Variants in FTO observed in about 807,000 individuals in gnomAD.
FTO encodes alpha-ketoglutarate-dependent dioxygenase FTO.
In FTO, 47 loss-of-function variants were observed where a neutral mutation model predicts 63.9. That is an observed-to-expected ratio of 0.74 (90% confidence interval 0.58 to 0.94). The LOEUF is 0.94. Ranked by LOEUF, FTO falls within the 40% of genes least tolerant of loss-of-function variation. FTO has a pLI of 0.00. For missense variants in FTO, 562 were observed against 618.1 expected, an observed-to-expected ratio of 0.91 and a Z score of 0.96; for synonymous variants, 207 against 224.4, an observed-to-expected ratio of 0.92 and a Z score of 0.69.
At chr16:53,729,378 T>C (rs555437112) in intron 1 of FTO, among the ~76,000 whole-genome samples, 1 of 151,858 alleles carries the variant, frequency 6.6e-6, no homozygotes, top group Admixed American at 6.5e-5. Flanking sequence ...ATACAAAAAA[T>C]TAGCTGGGCT....
intron 8 of FTO, among the ~76,000 whole-genome samples, chr16:54,007,379 G>A (rs1182465307): frequency 2.0e-5 from 3 of 152,176 alleles, no homozygotes; most frequent in East Asian, 1.9e-4. Context: ...GGACTCTGGA[G>A]CCAGGTGTTC....
intron 7 of FTO, among the ~76,000 whole-genome samples, chr16:53,928,415 T>C (rs1457800907): frequency 6.6e-6 from 1 of 152,144 alleles, no homozygotes; most frequent in East Asian, 1.9e-4. Flanking sequence ...AATGGGAAAA[T>C]GGTCTATAAA....
chr16:54,091,406 G>A (rs1430101349), intron 8 of FTO, among the ~76,000 whole-genome samples: 1 of 152,078 alleles, frequency 6.6e-6, no homozygotes, highest in East Asian at 1.9e-4. Context: ...CGGAAATGGT[G>A]GTGAACACCT....
intron 1 of FTO, among the ~76,000 whole-genome samples, chr16:53,740,394 C>A (rs944742784): frequency 6.6e-6 from 1 of 152,140 alleles, no homozygotes; most frequent in Non-Finnish European, 1.5e-5. Flanking sequence ...AATTTTCTAA[C>A]TTGTATCTTC....
At position 54,121,462 on chromosome 16, in the gene FTO, A is replaced by C. The variant is rs1353908550; in HGVS notation, c.*9547A>C. ...CTATTTCTGAACTAAAGAGGCCTGA[A>C]TAAGGTAGTGAAAGGACCAGGGAAA... On this transcript the variant is annotated 3_prime_UTR_variant, in exon 9 of 9. Transcript: ENST00000471389. 1.3e-5 allele frequency: 2 copies of C among 152,224 alleles called. No individual in the cohort carries two copies. The highest frequency in any genetic ancestry group is 2.9e-5 in the Non-Finnish European group (2 of 68,042). The allele number at this position is 152,224 out of a possible 1,614,324, so 9.4% of individuals were successfully genotyped here. A position where few individuals can be genotyped will look rare whatever the true frequency, so the allele number is the denominator to read the frequency against.
intron 1 of FTO, chr16:53,711,604 G>A (rs996496659): frequency 4.5e-5 from 18 of 395,624 alleles, no homozygotes; most frequent in East Asian, 4.3e-4. Context: ...GATTCCTTAC[G>A]GGGTTTTTCA....
At chr16:53,869,455 T>C (rs796722745) in intron 4 of FTO, among the ~76,000 whole-genome samples, 4 of 152,184 alleles carry the variant, frequency 2.6e-5, no homozygotes, top group African/African-American at 9.6e-5. Context: ...TTGCTTCTAA[T>C]TTTCTTCTGT....
At chr16:53,778,974 C>G (rs1354186527) in intron 1 of FTO, among the ~76,000 whole-genome samples, 1 of 151,488 alleles carries the variant, frequency 6.6e-6, no homozygotes. Flanking sequence ...CTATTTGGGA[C>G]ATTAAGGAAA....
intron 1 of FTO, among the ~76,000 whole-genome samples, chr16:53,743,917 T>C (rs916402608): frequency 2.0e-5 from 3 of 152,102 alleles, no homozygotes; most frequent in Non-Finnish European, 4.4e-5. Context: ...GTTAATTCAT[T>C]ATAGTTGTGG....
chr16:53,898,978 A>G (rs763126831), intron 7 of FTO, among the ~76,000 whole-genome samples: 3 of 152,168 alleles, frequency 2.0e-5, no homozygotes, highest in Non-Finnish European at 4.4e-5. Context: ...CCTGGCCAAT[A>G]AATTCTTTTT....
chr16:53,882,059 A>G (rs1193098639), intron 6 of FTO, among the ~76,000 whole-genome samples: 1 of 151,336 alleles, frequency 6.6e-6, no homozygotes, highest in Non-Finnish European at 1.5e-5. Flanking sequence ...TGGCTGATAA[A>G]TTATACCTCA....
intron 8 of FTO, among the ~76,000 whole-genome samples, chr16:54,050,971 C>T (rs544383895): frequency 2.0e-5 from 3 of 152,150 alleles, no homozygotes; most frequent in Non-Finnish European, 4.4e-5. Context: ...CAACTGAAAT[C>T]GCACCACAAG....
chr16:53,810,761 T>G lies in FTO; in HGVS notation c.123+544T>G, dbSNP rs558181480. On this transcript the variant is annotated intron_variant, in intron 2 of 8. Transcript: ENST00000471389. ...GTGGCAAAAAATAAGGGGAATTTAT[T>G]GACTTGCCTTAGAAGTCTAGGAGTA... Among the ~76,000 whole-genome samples, 8 of 152,364 alleles carry G rather than the reference T, an allele frequency of 5.3e-5. No individual in the cohort carries two copies. In the South Asian group the frequency reaches 1.7e-3, roughly 32 times the overall value.
chr16:53,913,776 C>T (rs1216897788), intron 7 of FTO, among the ~76,000 whole-genome samples: 1 of 152,038 alleles, frequency 6.6e-6, no homozygotes, highest in Non-Finnish European at 1.5e-5. Context: ...GTCAGGAGTT[C>T]AAGACCAGCT....
At chr16:54,004,297 G>A (rs902919055) in intron 8 of FTO, among the ~76,000 whole-genome samples, 1 of 152,036 alleles carries the variant, frequency 6.6e-6, no homozygotes. Context: ...GAGGCGGAGG[G>A]GGGAGGATCA....
At chr16:54,008,285 A>G (rs1242656245) in intron 8 of FTO, 1 of 152,132 alleles carries the variant, frequency 6.6e-6, no homozygotes, top group Non-Finnish European at 1.5e-5. Context: ...AAATACTCCT[A>G]TACTTCTTCA....
chr16:53,893,558 A>G (rs2081205581), intron 7 of FTO, among the ~76,000 whole-genome samples: 1 of 152,078 alleles, frequency 6.6e-6, no homozygotes, highest in African/African-American at 2.4e-5. Flanking sequence ...CATTTATTTT[A>G]CCTATAAAAA....
At chr16:53,704,728 T>A (rs1310242026) in intron 1 of FTO, among the ~76,000 whole-genome samples, 1 of 152,234 alleles carries the variant, frequency 6.6e-6, no homozygotes, top group Non-Finnish European at 1.5e-5. Flanking sequence ...CTACCTTTGA[T>A]GTTCAGCTTC....
chr16:53,779,399 GTCTT>G (rs1331092285), intron 1 of FTO, among the ~76,000 whole-genome samples: 2 of 152,090 alleles, frequency 1.3e-5, no homozygotes, highest in Non-Finnish European at 2.9e-5. Context: ...CCCTTAACTG[GTCTT>G]TATTGTTAAA....
Sources: gnomAD v4.1 joint callset for allele counts (sites outside exome capture counted in the v4.1 genomes callset) on GRCh38, gnomAD v4.1.1 for gene constraint, MANE v1.5 for transcripts, NCBI Gene and HGNC (gene_info 2026-07-23, HGNC 2026-07-21) for gene names.